The following PRORP variants were observed in gnomAD, a reference collection of about 807,000 sequenced individuals.
PRORP encodes the protein mitochondrial ribonuclease P catalytic subunit.
A neutral mutation model predicts 59.4 loss-of-function variants in PRORP; 51 were observed. The ratio of observed to expected loss-of-function variants is 0.86; its 90% CI spans 0.69 to 1.08. The LOEUF is 1.08. PRORP is among the 50% of genes least tolerant of loss of function. The pLI, the probability that PRORP is intolerant of heterozygous loss-of-function variation, is 0.00. For missense variants in PRORP, 646 were observed against 690.3 expected (o/e 0.94, Z 0.72); for synonymous variants, 231 against 245.6 (o/e 0.94, Z 0.55).
intron 5 of PRORP, among the ~76,000 whole-genome samples, chr14:35,265,227 C>G (rs192914019): frequency 6.6e-6 from 1 of 152,070 alleles, no homozygotes; most frequent in Non-Finnish European, 1.5e-5. Flanking sequence ...CTTTTCCAAC[C>G]AAGACCCAAG....
At chr14:35,166,354 C>T (rs80341278) in intron 4 of PRORP, among the ~76,000 whole-genome samples, 28,008 of 151,642 alleles carry the variant, frequency 0.18, 2,832 homozygotes, top group Admixed American at 0.27. Context: ...GCTCTTTCTT[C>T]ATAGATGCAA....
chr14:35,272,128 A>T (rs2051209536), intron 7 of PRORP, among the ~76,000 whole-genome samples: 1 of 152,222 alleles, frequency 6.6e-6, no homozygotes, highest in Admixed American at 6.5e-5. Context: ...GACTGTAGTT[A>T]ATAATAACAA....
rs1450375036 is a variant in PRORP at position 35,276,885 on chromosome 14, T to C, written c.*3319T>C. 1 of 152,214 alleles carries C rather than the reference T, an allele frequency of 6.6e-6. No homozygotes were observed. Among genetic ancestry groups the C allele is most frequent in the African/African-American group, 2.4e-5 (1 of 41,462 alleles). 9.4% of individuals were successfully genotyped at this position (152,214 alleles called of 1,614,324 possible). On this transcript the variant is annotated 3_prime_UTR_variant, in exon 8 of 8. Coordinates refer to ENST00000534898, the MANE Select transcript of PRORP (RefSeq NM_014672.4). Reference sequence around the variant, plus strand: ...GAAAGAAAATCTCAAGGAAGAAGGCTGAGTTTATTCTCTCAGGGCTCTGTT... The same window carrying C: ...GAAAGAAAATCTCAAGGAAGAAGGCCGAGTTTATTCTCTCAGGGCTCTGTT...
At chr14:35,236,917 C>T (rs556446052) in intron 5 of PRORP, among the ~76,000 whole-genome samples, 56 of 149,916 alleles carry the variant, frequency 3.7e-4, no homozygotes, top group African/African-American at 1.4e-3. Context: ...CTCTCATCTT[C>T]TTTCTTTCTC....
At chr14:35,262,171 ATTT>A (rs1004682340) in intron 5 of PRORP, among the ~76,000 whole-genome samples, 1 of 151,660 alleles carries the variant, frequency 6.6e-6, no homozygotes, top group Non-Finnish European at 1.5e-5. Context: ...TTTTTTTATA[ATTT>A]TATTATTATT....
At chr14:35,248,983 T>C (rs547076409) in intron 5 of PRORP, among the ~76,000 whole-genome samples, 17 of 152,208 alleles carry the variant, frequency 1.1e-4, no homozygotes, top group Non-Finnish European at 1.8e-4. Context: ...ATGCATCAAT[T>C]ACAGGCATTA....
chr14:35,122,886 C>G, intron 1 of PRORP, 66 bp from the exon 2 acceptor site: 1 of 200,160 alleles, frequency 5.0e-6, no homozygotes, highest in Non-Finnish European at 1.0e-5. Flanking sequence ...GGAATCTGTT[C>G]CTTTTCAGGA....
At chr14:35,229,398 G>A (rs2050015591) in intron 5 of PRORP, among the ~76,000 whole-genome samples, 1 of 152,062 alleles carries the variant, frequency 6.6e-6, no homozygotes, top group South Asian at 2.1e-4. Flanking sequence ...TGTTTACTAG[G>A]TTTTCTTTTA....
rs368855953 is a variant in PRORP, at chr14:35,226,759, C to T, written c.1276-39968C>T. On this transcript the variant is annotated intron_variant, in intron 5 of 7. Coordinates refer to ENST00000534898, the MANE Select transcript of PRORP (RefSeq NM_014672.4). ...TATTATTTCATTATTTTTTGAGACA[C>T]GATCTCTCTGTATCATCCAGGCTGG... 2.6e-4 allele frequency among the ~76,000 whole-genome samples: 40 copies of T among 152,130 alleles called. No homozygotes were observed. In the East Asian group the frequency reaches 2.7e-3, roughly 10 times the overall value.
At chr14:35,137,809 T>C (rs1051805393) in intron 4 of PRORP, among the ~76,000 whole-genome samples, 2 of 145,188 alleles carry the variant, frequency 1.4e-5, no homozygotes, top group East Asian at 2.4e-4. Context: ...GTAGTTAACA[T>C]GGTCTGCATG....
At chr14:35,126,907 T>C (rs537982091) in intron 3 of PRORP, 125 bp downstream of exon 3, 76 of 719,090 alleles carry the variant, frequency 1.1e-4, no homozygotes, top group Non-Finnish European at 1.6e-4. Flanking sequence ...TTAGAGTATC[T>C]GAGGAAAAAA....
At chr14:35,177,015 T>A (rs2048469721) in intron 4 of PRORP, among the ~76,000 whole-genome samples, 1 of 152,218 alleles carries the variant, frequency 6.6e-6, no homozygotes, top group Admixed American at 6.5e-5. Flanking sequence ...GGTTTTTGTC[T>A]TTGGTTCTGT....
intron 6 of PRORP, among the ~76,000 whole-genome samples, chr14:35,268,280 G>A (rs1241275057): frequency 6.8e-6 from 1 of 147,550 alleles, no homozygotes; most frequent in African/African-American, 2.6e-5. Flanking sequence ...GGAAAGCCGA[G>A]GTTGCAGTGA....
In PRORP at chr14:35,127,577, A is replaced by G. The variant is rs2047129194; in HGVS notation, c.1133A>G (p.Asp378Gly). 2 of 1,614,116 alleles carry G rather than the reference A, an allele frequency of 1.2e-6. No individual in the cohort carries two copies. Among genetic ancestry groups the G allele is most frequent in the African/African-American group, 2.7e-5 (2 of 75,060 alleles). The change falls in exon 4 of 8, where the codon GAT becomes GGT. Residue 378 changes from aspartate to glycine, a missense_variant. Physicochemically the swap from Asp to Gly is moderately conservative, Grantham distance 94 (BLOSUM62 -1). Coordinates refer to ENST00000534898, the MANE Select transcript of PRORP (RefSeq NM_014672.4). ...GGAAAAATCATGAGGGATGTGATAG[A>G]TGGAGGTGACCAGTACAGAAAGACA... is the stretch of plus-strand genomic sequence containing the variant. ...LKGKIMRDVI[D>G]GGDQYRKTTP...
chr14:35,271,557 G>T (rs895235331), intron 7 of PRORP, among the ~76,000 whole-genome samples: 6 of 152,040 alleles, frequency 3.9e-5, no homozygotes, highest in African/African-American at 1.4e-4. Flanking sequence ...TAAGTAATTT[G>T]TTTTCCCTGT....
At chr14:35,185,034 T>G (rs1386957600) in intron 5 of PRORP, among the ~76,000 whole-genome samples, 1 of 152,218 alleles carries the variant, frequency 6.6e-6, no homozygotes, top group East Asian at 1.9e-4. Context: ...TCTGGGTATA[T>G]GCTCAGTAAT....
intron 5 of PRORP, among the ~76,000 whole-genome samples, chr14:35,185,660 T>G (rs1239525811): frequency 6.6e-6 from 1 of 152,190 alleles, no homozygotes; most frequent in African/African-American, 2.4e-5. Context: ...AGATGTGAAA[T>G]ACAGGTAAAC....
intron 5 of PRORP, among the ~76,000 whole-genome samples, chr14:35,211,499 A>G (rs2049445192): frequency 6.6e-6 from 1 of 152,180 alleles, no homozygotes; most frequent in Non-Finnish European, 1.5e-5. Flanking sequence ...GCCAAGAAGA[A>G]ATATACGTAT....
chr14:35,164,720 A>G (rs751173886), intron 4 of PRORP, among the ~76,000 whole-genome samples: 1 of 152,214 alleles, frequency 6.6e-6, no homozygotes. Context: ...ACGAACCTCT[A>G]CATGGATCTG....
Sources: gnomAD v4.1 joint callset for allele counts (sites outside exome capture counted in the v4.1 genomes callset) on GRCh38, gnomAD v4.1.1 for gene constraint, MANE v1.5 for transcripts, NCBI Gene and HGNC (gene_info 2026-07-23, HGNC 2026-07-21) for gene names.